The following DHRS4 variants were observed in gnomAD, a reference collection of about 807,000 sequenced individuals.
DHRS4 encodes dehydrogenase/reductase SDR family member 4.
A neutral mutation model predicts 28.4 loss-of-function variants in DHRS4; 20 were observed. That is an observed-to-expected ratio of 0.71 (90% CI 0.50 to 1.02). The LOEUF (loss-of-function observed/expected upper bound fraction) is 1.02. DHRS4 is among the 50% of genes least tolerant of loss of function. The probability of loss-of-function intolerance (pLI) is 0.00; values close to 1 mark genes in which losing one functional copy is unlikely to be tolerated. For missense variants in DHRS4, 378 were observed against 367.2 expected (o/e 1.03, Z -0.24); for synonymous variants, 144 against 146.4 (o/e 0.98, Z 0.12).
chr14:23,968,682 A>C, intron 7 of DHRS4, 75 bp from the exon 8 acceptor site: 3 of 1,570,464 alleles, frequency 1.9e-6, no homozygotes, highest in Non-Finnish European at 2.6e-6. Flanking sequence ...AAGCAAATTT[A>C]ACTCCCTGTG....
chr14:23,955,950 C>T (rs2033122799), intron 2 of DHRS4, among the ~76,000 whole-genome samples: 1 of 152,184 alleles, frequency 6.6e-6, no homozygotes, highest in African/African-American at 2.4e-5. Flanking sequence ...CACTTTATTT[C>T]CCAGAGTGGA....
At chr14:23,953,971 G>C (rs547622713) in intron 1 of DHRS4, 55 bp downstream of exon 1, 1 of 1,548,080 alleles carries the variant, frequency 6.5e-7, no homozygotes, top group South Asian at 1.2e-5. Flanking sequence ...ACAGGCACTG[G>C]CCTCTCATCC....
intron 5 of DHRS4, 34 bp from the exon 6 acceptor site, chr14:23,966,249 A>C (rs1302583185): frequency 6.3e-7 from 1 of 1,591,046 alleles, no homozygotes; most frequent in Non-Finnish European, 8.5e-7. Flanking sequence ...TGACCTGGAA[A>C]CTATGAGTCT....
At chr14:23,954,040 A>T in intron 1 of DHRS4, 124 bp downstream of exon 1, 1 of 1,447,562 alleles carries the variant, frequency 6.9e-7, no homozygotes, top group Non-Finnish European at 9.2e-7. Context: ...GGCCCTGGAA[A>T]AAAGGTAGCC....
chr14:23,958,836 C>A (rs1380572110), intron 2 of DHRS4, among the ~76,000 whole-genome samples: 4 of 152,188 alleles, frequency 2.6e-5, no homozygotes, highest in Non-Finnish European at 5.9e-5. Flanking sequence ...CATCACTTCA[C>A]CCCTCCCAAA....
intron 3 of DHRS4, among the ~76,000 whole-genome samples, 170 bp downstream of exon 3, chr14:23,960,173 C>G (rs567028599): frequency 1.3e-5 from 2 of 152,152 alleles, no homozygotes; most frequent in African/African-American, 4.8e-5. Context: ...GGGGGTGGCT[C>G]TATCCCTGCC....
intron 7 of DHRS4, among the ~76,000 whole-genome samples, chr14:23,968,327 T>C (rs2033709038): frequency 6.6e-6 from 1 of 150,658 alleles, no homozygotes; most frequent in Non-Finnish European, 1.5e-5. Flanking sequence ...CAAGTATAGA[T>C]TCCTGAAAAA....
chr14:23,965,867 G>T lies in DHRS4; in HGVS notation c.479+35G>T, dbSNP rs750341093. ...GTGAGAGAGAGCCTGGGTGAGAGGGGACACCACACGGGCTGAGGGCACTGG... is the reference window on the plus strand; with the variant it reads ...GTGAGAGAGAGCCTGGGTGAGAGGGTACACCACACGGGCTGAGGGCACTGG... On this transcript the variant is annotated intron_variant, in intron 4 of 7. Coordinates refer to ENST00000313250, the MANE Select transcript of DHRS4 (RefSeq NM_021004.4). 3.7e-6 allele frequency: 6 copies of T among 1,606,574 alleles called. No homozygotes were observed. In the African/African-American group the frequency reaches 6.8e-5, roughly 18 times the overall value.
Position 23,965,906 on chromosome 14 carries a change from G to T in DHRS4, c.480-26G>T, listed in dbSNP as rs772416460. 4.2e-5 allele frequency: 68 copies of T among 1,606,922 alleles called. 3 individuals carry two copies. The South Asian group carries it at 7.4e-4, about 18-fold the overall frequency. ...TGAGGGCACTGGTCCACAATGGGAAGATGGTCAGCTCTCTTCTTTTTCCAG... is the reference window on the plus strand; with the variant it reads ...TGAGGGCACTGGTCCACAATGGGAATATGGTCAGCTCTCTTCTTTTTCCAG... On this transcript the variant is annotated intron_variant, in intron 4 of 7. Transcript: ENST00000313250.
chr14:23,956,468 T>C (rs1325538938), intron 2 of DHRS4, among the ~76,000 whole-genome samples: 1 of 151,946 alleles, frequency 6.6e-6, no homozygotes, highest in Non-Finnish European at 1.5e-5. Flanking sequence ...CTCTGCAAAA[T>C]GAGCAGACAG....
Position 23,955,175 on chromosome 14 carries a change from T to G in DHRS4, c.269T>G (p.Val90Gly). ...GLSVTGTVCHVGKAEDRERLV... is the reference protein window; with the variant it reads ...GLSVTGTVCHGGKAEDRERLV... Reference sequence around the variant, plus strand: ...AGCGTGACGGGCACCGTGTGCCATGTGGGGAAGGCGGAGGACCGGGAGCGG... The same window carrying G: ...AGCGTGACGGGCACCGTGTGCCATGGGGGGAAGGCGGAGGACCGGGAGCGG... The change falls in exon 2 of 8, where the codon GTG becomes GGG. Residue 90 changes from valine (V) to glycine (G), a missense_variant. Transcript: ENST00000313250. 6.2e-7 allele frequency: 1 copy of G among 1,613,688 alleles called. No individual in the cohort carries two copies. The highest frequency in any genetic ancestry group is 8.5e-7 in the Non-Finnish European group (1 of 1,179,782).
chr14:23,954,479 T>C (rs1336457552), intron 1 of DHRS4, among the ~76,000 whole-genome samples: 4 of 152,230 alleles, frequency 2.6e-5, no homozygotes, highest in Non-Finnish European at 5.9e-5. Flanking sequence ...AGGACTTTGC[T>C]AGATGCCAGC....
chr14:23,962,674 G>A (rs1437385642), intron 3 of DHRS4, among the ~76,000 whole-genome samples: 1 of 151,438 alleles, frequency 6.6e-6, no homozygotes, highest in Non-Finnish European at 1.5e-5. Flanking sequence ...ATGAGGGTTG[G>A]AATCAACTTC....
intron 1 of DHRS4, chr14:23,954,143 A>T (rs372713283): frequency 2.0e-4 from 130 of 641,104 alleles, no homozygotes; most frequent in South Asian, 4.1e-4. Flanking sequence ...CAACTGTGCC[A>T]CCTCTGTGCA....
chr14:23,954,865 G>C (rs1462912397), intron 1 of DHRS4, among the ~76,000 whole-genome samples, 170 bp from the exon 2 acceptor site: 1 of 152,236 alleles, frequency 6.6e-6, no homozygotes, highest in African/African-American at 2.4e-5. Flanking sequence ...GTAAAGGAAT[G>C]CCAAAAATGG....
Position 23,968,822 on chromosome 14 carries a change from T to C in DHRS4, c.788T>C (p.Ile263Thr). Residue 263 changes from isoleucine to threonine, a missense_variant, in exon 8 of 8, where the codon ATC becomes ACC. By Grantham distance (89) the Ile-to-Thr change is moderately conservative (BLOSUM62 -1). Transcript: ENST00000313250. Reference sequence around the variant, plus strand: ...CTGTGCTCTGAAGATGCCAGCTACATCACTGGGGAAACAGTGGTGGTGGGT... The same window carrying C: ...CTGTGCTCTGAAGATGCCAGCTACACCACTGGGGAAACAGTGGTGGTGGGT... ...SFLCSEDASY[I>T]TGETVVVGGG... is the part of the protein sequence containing the mutation. The C allele has an allele frequency of 6.2e-7, 1 of 1,611,020 alleles. No homozygotes were observed. The highest frequency in any genetic ancestry group is 1.1e-5 in the South Asian group (1 of 90,638).
chr14:23,968,544 G>A (rs1046583117), intron 7 of DHRS4, among the ~76,000 whole-genome samples: 4 of 151,136 alleles, frequency 2.6e-5, no homozygotes, highest in Admixed American at 2.0e-4. Flanking sequence ...TGAATATTAT[G>A]GGTAATAGTT....
At chr14:23,967,576 A>G (rs1390722954) in intron 7 of DHRS4, 1 of 589,062 alleles carries the variant, frequency 1.7e-6, no homozygotes, top group Non-Finnish European at 3.1e-6. Context: ...GACCATAACC[A>G]AAACCATGCT....
intron 3 of DHRS4, among the ~76,000 whole-genome samples, chr14:23,961,544 T>TTA (rs371410675): frequency 1.6e-5 from 2 of 123,632 alleles, no homozygotes; most frequent in African/African-American, 7.9e-5. Flanking sequence ...TTTTTTTTTT[T>TTA]CCCTCGCTGT....
Sources: gnomAD v4.1 joint callset for allele counts (sites outside exome capture counted in the v4.1 genomes callset) on GRCh38, gnomAD v4.1.1 for gene constraint, MANE v1.5 for transcripts, NCBI Gene and HGNC (gene_info 2026-07-23, HGNC 2026-07-21) for gene names.